Variants in PDCD11 observed in about 807,000 individuals in gnomAD.
PDCD11 encodes the protein protein RRP5 homolog.
Under a neutral mutation model 198.9 loss-of-function variants are expected in PDCD11, and 97 were observed. The ratio of observed to expected loss-of-function variants is 0.49; its 90% CI spans 0.41 to 0.58. The LOEUF is 0.58. PDCD11 is among the 20% of genes least tolerant of loss of function. PDCD11 has a pLI of 0.00. For synonymous variants in PDCD11, 893 were observed against 918.0 expected, an observed-to-expected ratio of 0.97 and a Z score of 0.49; for missense variants, 2,102 against 2,312.7, an observed-to-expected ratio of 0.91 and a Z score of 1.87.
chr10:103,443,824 A>AG (rs2032489532), intron 33 of PDCD11, 91 bp from the exon 34 acceptor site: 1 of 1,318,086 alleles, frequency 7.6e-7, no homozygotes, highest in Non-Finnish European at 1.1e-6. Flanking sequence ...CTGGGAGCCC[A>AG]GGTCTAGCTT....
Position 103,442,332 on chromosome 10 carries a change from C to T in PDCD11, c.4827C>T (p.Asp1609=), listed in dbSNP as rs754530689. Residue 1609 remains aspartate, a synonymous_variant, in exon 32 of 36, where the codon GAC becomes GAT. Coordinates refer to ENST00000369797, the MANE Select transcript of PDCD11 (RefSeq NM_014976.2). ...AGCCAGAGTCCGCGGATGATTTTGA[C>T]CGACTGGTGCTGAGCTCCCCCAACA... The part of the protein sequence containing the change: ...GRQPESADDF[D]RLVLSSPNSS... 1 of 1,614,238 alleles carries T rather than the reference C, an allele frequency of 6.2e-7. No individual in the cohort carries two copies. The highest frequency in any genetic ancestry group is 1.1e-5 in the South Asian group (1 of 91,086).
intron 6 of PDCD11, 56 bp from the exon 7 acceptor site, chr10:103,406,553 A>T (rs894793033): frequency 6.5e-7 from 1 of 1,535,526 alleles, no homozygotes; most frequent in Non-Finnish European, 8.9e-7. Context: ...GGCCCACGTT[A>T]AAAGTCCTTC....
intron 17 of PDCD11, among the ~76,000 whole-genome samples, chr10:103,422,609 T>G (rs1005209119): frequency 6.6e-6 from 1 of 152,074 alleles, no homozygotes; most frequent in Non-Finnish European, 1.5e-5. Context: ...CCTGCCAGGC[T>G]TTGTGAGGGG....
chr10:103,435,793 A>G (rs762643053), intron 25 of PDCD11, among the ~76,000 whole-genome samples: 2 of 152,218 alleles, frequency 1.3e-5, no homozygotes, highest in Non-Finnish European at 2.9e-5. Context: ...GATTACAGGC[A>G]TGAGCCACGG....
intron 7 of PDCD11, 111 bp downstream of exon 7, chr10:103,406,901 C>G: frequency 1.2e-6 from 1 of 806,474 alleles, no homozygotes; most frequent in Admixed American, 3.1e-5. Flanking sequence ...TAGTCACTTA[C>G]GCCCATTGAG....
At chr10:103,407,526 G>A in intron 7 of PDCD11, among the ~76,000 whole-genome samples, 1 of 151,952 alleles carries the variant, frequency 6.6e-6, no homozygotes. Context: ...TTGTGCCACT[G>A]CATTCCAGCC....
chr10:103,428,436 A>C (rs2031791182), intron 21 of PDCD11, among the ~76,000 whole-genome samples: 1 of 142,650 alleles, frequency 7.0e-6, no homozygotes, highest in South Asian at 2.5e-4. Context: ...GATGAATTAC[A>C]TTCCTATTTG....
chr10:103,398,971 GC>G (rs1326529445), intron 2 of PDCD11, among the ~76,000 whole-genome samples: 2 of 152,146 alleles, frequency 1.3e-5, no homozygotes, highest in African/African-American at 4.8e-5. Context: ...CCAATATTGT[GC>G]CACTGCTCTC....
At chr10:103,430,617 G>A (rs1021583792) in intron 21 of PDCD11, among the ~76,000 whole-genome samples, 3 of 149,392 alleles carry the variant, frequency 2.0e-5, no homozygotes, top group Non-Finnish European at 4.4e-5. Context: ...CTACATCCTC[G>A]CCAACACTCG....
intron 4 of PDCD11, among the ~76,000 whole-genome samples, chr10:103,403,700 C>G (rs756223981): frequency 1.1e-4 from 16 of 152,182 alleles, no homozygotes; most frequent in Non-Finnish European, 1.3e-4. Context: ...AATGTTCTCA[C>G]TGGGGTACAG....
Position 103,403,040 on chromosome 10 carries a change from C to T in PDCD11, c.235-78C>T, listed in dbSNP as rs891028279. 2.7e-5 allele frequency: 36 copies of T among 1,331,854 alleles called. No individual in the cohort carries two copies. The African/African-American group carries it at 4.8e-4, about 18-fold the overall frequency. 82.5% of individuals were successfully genotyped at this position (1,331,854 alleles called of 1,614,324 possible). ...CTTGGCCTTATAGCTTTTAAATTGA[C>T]ACTAGAAGCCAGACCTTCCAACCTT... On this transcript the variant is annotated intron_variant, in intron 3 of 35. Transcript: ENST00000369797.
intron 32 of PDCD11, among the ~76,000 whole-genome samples, chr10:103,442,899 A>C (rs144617403): frequency 7.0e-4 from 107 of 152,332 alleles, no homozygotes; most frequent in African/African-American, 2.4e-3. Context: ...CCCAAACCTC[A>C]GGCCCGTTTG....
At chr10:103,404,891 G>A (rs1358641029) in intron 4 of PDCD11, 131 bp from the exon 5 acceptor site, 1 of 721,490 alleles carries the variant, frequency 1.4e-6, no homozygotes, top group Non-Finnish European at 2.3e-6. Context: ...TGTGGATGGG[G>A]GGTTATTCCT....
intron 4 of PDCD11, among the ~76,000 whole-genome samples, chr10:103,404,360 A>G (rs572889275): frequency 1.4e-4 from 22 of 151,920 alleles, no homozygotes; most frequent in African/African-American, 4.8e-4. Flanking sequence ...GTGCAGTGAC[A>G]TGATCTCAGC....
chr10:103,432,858 C>T (rs963093632), intron 22 of PDCD11, among the ~76,000 whole-genome samples: 6 of 152,182 alleles, frequency 3.9e-5, no homozygotes, highest in Non-Finnish European at 1.5e-5. Flanking sequence ...CATAATCTGA[C>T]CTTCCGTGCA....
rs1485505469 is a variant in PDCD11, at chr10:103,418,611, C to T, written c.2083C>T (p.Leu695=). 2 of 1,614,082 alleles carry T rather than the reference C, an allele frequency of 1.2e-6. No homozygotes were observed. Among genetic ancestry groups the T allele is most frequent in the East Asian group, 2.2e-5 (1 of 44,886 alleles). The change falls in exon 15 of 36, where the codon CTG becomes TTG. Residue 695 remains leucine, a synonymous_variant. Transcript: ENST00000369797. ...TGACATCCTTCACCGAGTCCTGTGTCTGAGCCAGAGCGAGGGGCGTGTTGT... is the reference window on the plus strand; with the variant it reads ...TGACATCCTTCACCGAGTCCTGTGTTTGAGCCAGAGCGAGGGGCGTGTTGT... ...AGDILHRVLC[L]SQSEGRVLLC...
chr10:103,436,849 T>C (rs1421901152), intron 25 of PDCD11, among the ~76,000 whole-genome samples: 1 of 152,228 alleles, frequency 6.6e-6, no homozygotes, highest in Admixed American at 6.5e-5. Flanking sequence ...TTTGCTGAGA[T>C]CCTTTCTACC....
In PDCD11 at chr10:103,425,150, C is replaced by T; in HGVS notation, c.2930C>T (p.Ser977Phe). 1.2e-6 allele frequency: 2 copies of T among 1,614,168 alleles called. No individual in the cohort carries two copies. Among genetic ancestry groups the T allele is most frequent in the Non-Finnish European group, 1.7e-6 (2 of 1,180,038 alleles). The change falls in exon 20 of 36, where the codon TCC becomes TTC. Residue 977 changes from serine (S) to phenylalanine (F), a missense_variant. Coordinates refer to ENST00000369797, the MANE Select transcript of PDCD11 (RefSeq NM_014976.2). ...AAATTGCAGGTGGGACAGGGTGTCT[C>T]CCTAACCCTCAAGACCACAGAACCA... ...SEKLQVGQGV[S>F]LTLKTTEPGV...
At chr10:103,426,779 C>G (rs1394900360) in intron 20 of PDCD11, among the ~76,000 whole-genome samples, 1 of 149,666 alleles carries the variant, frequency 6.7e-6, no homozygotes, top group Non-Finnish European at 1.5e-5. Flanking sequence ...GAGTGAGACT[C>G]CGTTTCAAAA....
Sources: gnomAD v4.1 joint callset for allele counts (sites outside exome capture counted in the v4.1 genomes callset) on GRCh38, gnomAD v4.1.1 for gene constraint, MANE v1.5 for transcripts, NCBI Gene and HGNC (gene_info 2026-07-23, HGNC 2026-07-21) for gene names.